Variants in SORCS3 observed in about 807,000 individuals in gnomAD.
SORCS3 encodes the protein sortilin related VPS10 domain containing receptor 3.
In SORCS3, 57 loss-of-function variants were observed where a neutral mutation model predicts 146.3. That is an observed-to-expected ratio of 0.39 (90% CI 0.31 to 0.49). The LOEUF (loss-of-function observed/expected upper bound fraction) is 0.49. Among genes scored for constraint, SORCS3 ranks in the 20% least tolerant of loss-of-function variants. The pLI is 0.92. For synonymous variants in SORCS3, 653 were observed against 618.5 expected, an observed-to-expected ratio of 1.06 and a Z score of -0.83; for missense variants, 1,341 against 1,575.5, an observed-to-expected ratio of 0.85 and a Z score of 2.52.
At chr10:104,900,648 TG>T (rs1360840221) in intron 2 of SORCS3, among the ~76,000 whole-genome samples, 4 of 152,008 alleles carry the variant, frequency 2.6e-5, no homozygotes, top group African/African-American at 9.7e-5. Flanking sequence ...CCCAGGACTT[TG>T]GGGGGCCGAG....
At chr10:105,032,231 A>G (rs1487463233) in intron 4 of SORCS3, among the ~76,000 whole-genome samples, 1 of 152,178 alleles carries the variant, frequency 6.6e-6, no homozygotes, top group African/African-American at 2.4e-5. Context: ...AGTGGCAGCC[A>G]AGGATTTTGG....
At chr10:104,721,958 A>G (rs1389352586) in intron 1 of SORCS3, among the ~76,000 whole-genome samples, 1 of 152,166 alleles carries the variant, frequency 6.6e-6, no homozygotes, top group Non-Finnish European at 1.5e-5. Context: ...TCCTAATTGA[A>G]TACCCTTTAT....
At chr10:104,980,223 G>T (rs2054924436) in intron 4 of SORCS3, among the ~76,000 whole-genome samples, 1 of 152,150 alleles carries the variant, frequency 6.6e-6, no homozygotes, top group Admixed American at 6.5e-5. Flanking sequence ...TTATTCCTTA[G>T]GTACTCTTTC....
chr10:105,244,509 G>C (rs1378324377), intron 20 of SORCS3, among the ~76,000 whole-genome samples: 1 of 152,096 alleles, frequency 6.6e-6, no homozygotes, highest in Non-Finnish European at 1.5e-5. Context: ...TGTATACACA[G>C]CGGTCCTGGA....
At chr10:104,756,150 A>G (rs1003092590) in intron 1 of SORCS3, among the ~76,000 whole-genome samples, 2 of 152,182 alleles carry the variant, frequency 1.3e-5, no homozygotes, top group Non-Finnish European at 2.9e-5. Flanking sequence ...TCGCAACACT[A>G]TTATTAGAGT....
At chr10:104,687,447 A>G (rs1019153456) in intron 1 of SORCS3, among the ~76,000 whole-genome samples, 1 of 152,168 alleles carries the variant, frequency 6.6e-6, no homozygotes, top group Non-Finnish European at 1.5e-5. Flanking sequence ...TTATTCTCTA[A>G]AATGAGACAA....
intron 5 of SORCS3, among the ~76,000 whole-genome samples, chr10:105,062,057 T>A (rs1011611478): frequency 6.6e-6 from 1 of 152,200 alleles, no homozygotes; most frequent in Admixed American, 6.5e-5. Context: ...AGTTATTTAT[T>A]TCAAATTCTT....
chr10:104,756,527 C>T (rs2017052702), intron 1 of SORCS3, among the ~76,000 whole-genome samples: 1 of 152,164 alleles, frequency 6.6e-6, no homozygotes, highest in African/African-American at 2.4e-5. Flanking sequence ...TTATTCAGCA[C>T]CTTCTTCATA....
In SORCS3 at chr10:104,892,473, G is replaced by A. The variant is rs150679850; in HGVS notation, c.696-23360G>A. Among the ~76,000 whole-genome samples, 327 of 152,330 alleles carry A rather than the reference G, an allele frequency of 2.1e-3. 1 individual carries two copies. Among genetic ancestry groups the A allele is most frequent in the African/African-American group, 7.0e-3 (292 of 41,578 alleles). On this transcript the variant is annotated intron_variant, in intron 2 of 26. Transcript: ENST00000369701. ...GCAGTGTATCACACCTGTAATCCCAGCACTTTGGGAGGCTGAGGCGGGCAG... is the reference window on the plus strand; with the variant it reads ...GCAGTGTATCACACCTGTAATCCCAACACTTTGGGAGGCTGAGGCGGGCAG...
chr10:104,953,130 A>C (rs2019451012), intron 3 of SORCS3, among the ~76,000 whole-genome samples: 1 of 152,226 alleles, frequency 6.6e-6, no homozygotes, highest in South Asian at 2.1e-4. Context: ...AGCTAACCAA[A>C]TAATGTCCCA....
chr10:105,229,032 G>T (rs1247101300), intron 20 of SORCS3, among the ~76,000 whole-genome samples: 1 of 152,042 alleles, frequency 6.6e-6, no homozygotes, highest in Admixed American at 6.6e-5. Context: ...CATAAGCTTT[G>T]CTCATTTTTA....
At chr10:104,791,727 T>A (rs565451693) in intron 1 of SORCS3, among the ~76,000 whole-genome samples, 4 of 152,286 alleles carry the variant, frequency 2.6e-5, no homozygotes, top group African/African-American at 9.6e-5. Flanking sequence ...TGTGGATGAC[T>A]GAGGATGACT....
At chr10:104,769,104 G>T (rs1193216662) in intron 1 of SORCS3, among the ~76,000 whole-genome samples, 1 of 152,234 alleles carries the variant, frequency 6.6e-6, no homozygotes, top group Non-Finnish European at 1.5e-5. Context: ...TGGAAGAAGA[G>T]AGGGTCAAAG....
intron 7 of SORCS3, among the ~76,000 whole-genome samples, chr10:105,122,010 T>G (rs7077332): frequency 0.51 from 77,304 of 151,886 alleles, 19,959 homozygotes; most frequent in Admixed American, 0.55. Context: ...TCTCCCCATT[T>G]TCCTTCCCTT....
chr10:105,034,238 A>G (rs2797814), intron 4 of SORCS3, among the ~76,000 whole-genome samples: 31,425 of 151,956 alleles, frequency 0.21, 3,510 homozygotes, highest in African/African-American at 0.29. Context: ...TTCCGATGAC[A>G]CCTGACATAT....
At chr10:104,950,815 C>T (rs1345675717) in intron 3 of SORCS3, among the ~76,000 whole-genome samples, 4 of 152,252 alleles carry the variant, frequency 2.6e-5, no homozygotes, top group African/African-American at 4.8e-5. Context: ...ACGAAGATTC[C>T]GGTTGATTCC....
At chr10:105,157,074 G>C (rs747385337) in intron 9 of SORCS3, 64 bp from the exon 10 acceptor site, 5 of 1,581,476 alleles carry the variant, frequency 3.2e-6, no homozygotes, top group Non-Finnish European at 4.3e-6. Flanking sequence ...TTCTCTAAGG[G>C]CTTCTCCAAG....
chr10:104,870,630 C>T (rs1011597536), intron 2 of SORCS3, among the ~76,000 whole-genome samples: 3 of 152,042 alleles, frequency 2.0e-5, no homozygotes, highest in Non-Finnish European at 2.9e-5. Context: ...CATGTATCTG[C>T]GAGGGTAGAC....
At chr10:105,255,902 G>A in intron 24 of SORCS3, 101 bp downstream of exon 24, 2 of 972,644 alleles carry the variant, frequency 2.1e-6, no homozygotes, top group Non-Finnish European at 3.1e-6. Flanking sequence ...ATGTCTGAAA[G>A]TGGCTTTGTA....
Sources: allele counts gnomAD v4.1 joint callset (sites outside exome capture counted in the v4.1 genomes callset), GRCh38; gene constraint gnomAD v4.1.1; transcripts MANE v1.5; gene names NCBI Gene and HGNC (gene_info 2026-07-23, HGNC 2026-07-21).